Variants in TTN observed in about 807,000 individuals in gnomAD.
TTN encodes titin.
A neutral mutation model predicts 3,223.0 loss-of-function variants in TTN; 1,525 were observed. The observed-to-expected ratio is 0.47, with a 90% CI of 0.45 to 0.49. The LOEUF (loss-of-function observed/expected upper bound fraction) is 0.49, where lower values mean the gene tolerates loss of function less well. TTN is among the 20% of genes least tolerant of loss of function. The probability of loss-of-function intolerance (pLI) is 0.00; values close to 1 mark genes in which losing one functional copy is unlikely to be tolerated. For synonymous variants in TTN, 14,094 were observed against 15,161.0 expected (o/e 0.93, Z 5.17); for missense variants, 40,786 against 43,424.0 (o/e 0.94, Z 5.40).
rs776899398 is a variant in TTN at position 178,602,066 on chromosome 2, A to C, written c.55205T>G (p.Ile18402Ser). ...AGSQIRIPAV[I>S]KGRPTPKSSW... is the part of the protein sequence containing the mutation. Reference sequence around the variant, plus strand: ...TGATTTTGGTGTTGGGCGTCCCTTGATGACAGCAGGAATCCTAATCTGTGA... The same window carrying C: ...TGATTTTGGTGTTGGGCGTCCCTTGCTGACAGCAGGAATCCTAATCTGTGA... The change falls in exon 284 of 363, where the codon ATC becomes AGC. Residue 18402 changes from isoleucine to serine, a missense_variant. Ile to Ser is a moderately radical substitution (Grantham distance 142). Coordinates refer to ENST00000589042, the MANE Select transcript of TTN (RefSeq NM_001267550.2). 50 of 1,612,634 alleles carry C rather than the reference A, an allele frequency of 3.1e-5. No individual in the cohort carries two copies. In the Admixed American group the frequency reaches 5.3e-4, roughly 17 times the overall value.
chr2:178,804,139 G>T (rs1347785907), intron 2 of TTN, among the ~76,000 whole-genome samples: 2 of 152,188 alleles, frequency 1.3e-5, no homozygotes, highest in Non-Finnish European at 2.9e-5. Flanking sequence ...ACCAACTGAA[G>T]TTCAGGTGTC....
Position 178,615,386 on chromosome 2 carries a change from T to C in TTN, c.48559A>G (p.Ile16187Val), listed in dbSNP as rs1312494208. Residue 16187 changes from isoleucine (I) to valine (V), a missense_variant, in exon 259 of 363, where the codon ATC becomes GTC. Coordinates refer to ENST00000589042, the MANE Select transcript of TTN (RefSeq NM_001267550.2). The stretch of plus-strand genomic sequence containing the variant: ...CATCTTTCAACTATATATCCTTTGA[T>C]GCGTGAACCACCATCATTTTTAGGT... The part of the protein sequence containing the change: ...DPPKNDGGSR[I>V]KGYIVERCPR... 1 of 1,612,668 alleles carries C rather than the reference T, an allele frequency of 6.2e-7. No homozygotes were observed. Among genetic ancestry groups the C allele is most frequent in the South Asian group, 1.1e-5 (1 of 91,034 alleles).
intron 101 of TTN, 53 bp downstream of exon 101, chr2:178,706,809 T>C: frequency 1.9e-6 from 3 of 1,597,730 alleles, no homozygotes; most frequent in Non-Finnish European, 2.6e-6. Context: ...AATTAAATCA[T>C]AAGTAAAAGG....
chr2:178,634,627 T>C lies in TTN; in HGVS notation c.42154A>G (p.Ile14052Val). ...ITTAILTVKEIELDFAVPLKD... is the reference protein window; with the variant it reads ...ITTAILTVKEVELDFAVPLKD... ...AGGGGCACAGCAAAGTCAAGTTCGA[T>C]TTCTGAAAATCAGACATTAAGAATG... Residue 14052 changes from isoleucine to valine, a missense_variant and splice_region_variant, in exon 230 of 363, where the codon ATC becomes GTC. Ile to Val is a conservative substitution (Grantham distance 29). Coordinates refer to ENST00000589042, the MANE Select transcript of TTN (RefSeq NM_001267550.2). This position sits in a 1 kb window ranked among gnomAD's most constrained non-coding sequence, Gnocchi z 4.6. 1 of 1,612,916 alleles carries C rather than the reference T, an allele frequency of 6.2e-7. No homozygotes were observed. The highest frequency in any genetic ancestry group is 8.5e-7 in the Non-Finnish European group (1 of 1,179,404).
Position 178,722,464 on chromosome 2 carries a change from T to A in TTN, c.22323A>T (p.Arg7441=). 1 of 1,613,516 alleles carries A rather than the reference T, an allele frequency of 6.2e-7. No homozygotes were observed. The highest frequency in any genetic ancestry group is 1.1e-5 in the South Asian group (1 of 91,058). The change falls in exon 77 of 363, where the codon CGA becomes CGT. Residue 7441 remains arginine (R), a synonymous_variant. Transcript: ENST00000589042. ...TVGLPVTLTC[R]LNGSAPIQVC... is the part of the protein sequence containing the mutation. ...CTTGGATGGGTGCAGAGCCATTTAA[T>A]CGACAAGTGAGTGTAACAGGTAACC...
intron 106 of TTN, 29 bp from the exon 107 acceptor site, chr2:178,702,692 T>G (rs1440681506): frequency 1.3e-6 from 2 of 1,577,408 alleles, no homozygotes; most frequent in Admixed American, 3.5e-5. Flanking sequence ...GGTTCAAAGT[T>G]AGATTATATA....
At chr2:178,583,534 A>AGTT in intron 312 of TTN, 73 bp downstream of exon 312, 1 of 1,391,034 alleles carries the variant, frequency 7.2e-7, no homozygotes, top group South Asian at 1.7e-5. Flanking sequence ...GTGTATATTT[A>AGTT]GTTTTTTATT....
rs774382033 is a variant in TTN at position 178,722,465 on chromosome 2, C to T, written c.22322G>A (p.Arg7441Gln). 5.6e-6 allele frequency: 9 copies of T among 1,613,294 alleles called. No individual in the cohort carries two copies. Among genetic ancestry groups the T allele is most frequent in the African/African-American group, 1.3e-5 (1 of 74,856 alleles). The change falls in exon 77 of 363, where the codon CGA becomes CAA. Residue 7441 changes from arginine (R) to glutamine (Q), a missense_variant. Arg to Gln is a conservative substitution (Grantham distance 43). Coordinates refer to ENST00000589042, the MANE Select transcript of TTN (RefSeq NM_001267550.2). Reference sequence around the variant, plus strand: ...TTGGATGGGTGCAGAGCCATTTAATCGACAAGTGAGTGTAACAGGTAACCC... The same window carrying T: ...TTGGATGGGTGCAGAGCCATTTAATTGACAAGTGAGTGTAACAGGTAACCC... ...TVGLPVTLTC[R>Q]LNGSAPIQVC...
rs1296330425 is a variant in TTN, at chr2:178,535,615, T to C, written c.101000A>G (p.Tyr33667Cys). 6.2e-7 allele frequency: 1 copy of C among 1,613,840 alleles called. No individual in the cohort carries two copies. Among genetic ancestry groups the C allele is most frequent in the South Asian group, 1.1e-5 (1 of 91,088 alleles). Reference protein sequence around the residue: ...NGVERKDAGFYVVCAKNRFGI... With the variant: ...NGVERKDAGFCVVCAKNRFGI... ...AAATCTGTTTTTAGCACAGACCACATAGAAACCAGCATCTTTTCTCTCTAC... is the reference window on the plus strand; with the variant it reads ...AAATCTGTTTTTAGCACAGACCACACAGAAACCAGCATCTTTTCTCTCTAC... The change falls in exon 358 of 363, where the codon TAT (tyrosine) becomes TGT (cysteine). Residue 33667 changes from tyrosine to cysteine, a missense_variant. Coordinates refer to ENST00000589042, the MANE Select transcript of TTN (RefSeq NM_001267550.2).
Position 178,718,526 on chromosome 2 carries a change from A to G in TTN, c.24580T>C (p.Tyr8194His), listed in dbSNP as rs763264570. The G allele has an allele frequency of 6.2e-7, 1 of 1,613,764 alleles. No individual in the cohort carries two copies. Among genetic ancestry groups the G allele is most frequent in the Non-Finnish European group, 8.5e-7 (1 of 1,179,748 alleles). ...TGSPIVLEAT[Y>H]TGTPPISVSW... is the part of the protein sequence containing the mutation. ...ACTGAGATTGGAGGTGTGCCAGTGT[A>G]TGTGGCCTCGAGAACTATGGGGCTT... The change falls in exon 85 of 363, where the codon TAC becomes CAC. Residue 8194 changes from tyrosine to histidine, a missense_variant. Transcript: ENST00000589042.
intron 40 of TTN, among the ~76,000 whole-genome samples, chr2:178,766,890 T>C (rs571347519): frequency 1.3e-5 from 2 of 152,216 alleles, no homozygotes; most frequent in African/African-American, 4.8e-5. Context: ...AAATGTTTGC[T>C]TCTTATTTAC....
At chr2:178,783,442 C>T (rs1275670085) in intron 17 of TTN, among the ~76,000 whole-genome samples, 2 of 152,114 alleles carry the variant, frequency 1.3e-5, no homozygotes, top group African/African-American at 4.8e-5. Context: ...ATGGATTGGT[C>T]TTTATGTCTG....
rs376181650 is a variant in TTN, at chr2:178,717,345, T to C, written c.25389A>G (p.Val8463=). ...EVPPFFDLKP[V]SVDLALGESG... is the part of the protein sequence containing the mutation. Reference sequence around the variant, plus strand: ...TTTCTCCAAGAGCAAGATCTACTGATACAGGCTTTAGATCAAAGAAAGGAG... The same window carrying C: ...TTTCTCCAAGAGCAAGATCTACTGACACAGGCTTTAGATCAAAGAAAGGAG... The change falls in exon 88 of 363, where the codon GTA becomes GTG. Residue 8463 remains valine, a synonymous_variant. Coordinates refer to ENST00000589042, the MANE Select transcript of TTN (RefSeq NM_001267550.2). 7.4e-6 allele frequency: 12 copies of C among 1,612,916 alleles called. No individual in the cohort carries two copies. The South Asian group carries it at 1.2e-4, about 16-fold the overall frequency.
intron 233 of TTN, 63 bp downstream of exon 233, chr2:178,633,124 C>G (rs2060006717): frequency 1.9e-6 from 3 of 1,598,208 alleles, no homozygotes; most frequent in South Asian, 2.2e-5. Flanking sequence ...ATATTTTATG[C>G]CTTTTTTCAC....
At position 178,567,781 on chromosome 2, in the gene TTN, T is replaced by G; in HGVS notation, c.78351A>C (p.Gly26117=). 2.5e-6 allele frequency: 4 copies of G among 1,613,492 alleles called. No individual in the cohort carries two copies. The highest frequency in any genetic ancestry group is 2.2e-5 in the East Asian group (1 of 44,826). Reference sequence around the variant, plus strand: ...CTACAATGTAGCCTGTAATCATACTTCCACCATCATACACAGGTTTGGTCC... The same window carrying G: ...CTACAATGTAGCCTGTAATCATACTGCCACCATCATACACAGGTTTGGTCC... The part of the protein sequence containing the change: ...LQWTKPVYDG[G]SMITGYIVEK... Residue 26117 remains glycine (G), a synonymous_variant, in exon 326 of 363, where the codon GGA becomes GGC. Coordinates refer to ENST00000589042, the MANE Select transcript of TTN (RefSeq NM_001267550.2).
rs2059987336 is a variant in TTN, at chr2:178,632,997, A to T, written c.43134T>A (p.His14378Gln). The T allele has an allele frequency of 6.2e-7, 1 of 1,613,098 alleles. No individual in the cohort carries two copies. Among genetic ancestry groups the T allele is most frequent in the African/African-American group, 1.3e-5 (1 of 74,892 alleles). The change falls in exon 234 of 363, where the codon CAT (histidine) becomes CAA (glutamine). Residue 14378 changes from histidine (H) to glutamine (Q), a missense_variant. Coordinates refer to ENST00000589042, the MANE Select transcript of TTN (RefSeq NM_001267550.2). ...CTCCTGTCATACCCAGCTGACAGTT[A>T]TGAAGGATCAGAATATGCTTCTTTC... ...EDGKKHILIL[H>Q]NCQLGMTGEV...
In TTN at chr2:178,575,809, G is replaced by T. The variant is rs751179969; in HGVS notation, c.70323C>A (p.Asn23441Lys). ...RVLDTPGPVLNLRPTDITKDS... is the reference protein window; with the variant it reads ...RVLDTPGPVLKLRPTDITKDS... ...CCTTTGTGATGTCTGTAGGCCGCAG[G>T]TTGAGGACTGGGCCTGGCGTGTCCA... Residue 23441 changes from asparagine to lysine, a missense_variant, in exon 326 of 363, where the codon AAC becomes AAA. Asn to Lys is a moderately conservative substitution (Grantham distance 94, BLOSUM62 0). Transcript: ENST00000589042. This position sits in a 1 kb window ranked among gnomAD's most constrained non-coding sequence, Gnocchi z 4.0. The T allele has an allele frequency of 6.2e-7, 1 of 1,613,158 alleles. No individual in the cohort carries two copies. The highest frequency in any genetic ancestry group is 8.5e-7 in the Non-Finnish European group (1 of 1,179,308).
At position 178,572,532 on chromosome 2, in the gene TTN, T is replaced by G. The variant is rs767625831; in HGVS notation, c.73600A>C (p.Thr24534Pro). 1.2e-6 allele frequency: 2 copies of G among 1,613,348 alleles called. No individual in the cohort carries two copies. The highest frequency in any genetic ancestry group is 1.7e-6 in the Non-Finnish European group (2 of 1,179,610). The change falls in exon 326 of 363, where the codon ACA (threonine) becomes CCA (proline). Residue 24534 changes from threonine to proline, a missense_variant. By Grantham distance (38) the Thr-to-Pro change is conservative (BLOSUM62 -1). Transcript: ENST00000589042. Reference protein sequence around the residue: ...QDLKVKEVTKTSVTLTWDPPL... With the variant: ...QDLKVKEVTKPSVTLTWDPPL... Reference sequence around the variant, plus strand: ...GGGTCCCATGTGAGTGTGACAGATGTCTTAGTGACCTCTTTTACCTTCAGA... The same window carrying G: ...GGGTCCCATGTGAGTGTGACAGATGGCTTAGTGACCTCTTTTACCTTCAGA...
rs374712231 is a variant in TTN at position 178,573,644 on chromosome 2, C to A, written c.72488G>T (p.Arg24163Leu). The A allele has an allele frequency of 1.3e-6, 2 of 1,499,946 alleles. No homozygotes were observed. Among genetic ancestry groups the A allele is most frequent in the Non-Finnish European group, 1.8e-6 (2 of 1,126,628 alleles). 92.9% of individuals were successfully genotyped at this position (1,499,946 alleles called of 1,614,324 possible). A position where few individuals can be genotyped will look rare whatever the true frequency, so the allele number is the denominator to read the frequency against. Residue 24163 changes from arginine to leucine, a missense_variant, in exon 326 of 363, where the codon CGT becomes CTT. Physicochemically the swap from Arg to Leu is moderately radical, Grantham distance 102. Transcript: ENST00000589042. Reference sequence around the variant, plus strand: ...TGTCCATGCCAATCTGCTGGTTTCACGTTTCTGTACTATGTAATGATCAAT... The same window carrying A: ...TGTCCATGCCAATCTGCTGGTTTCAAGTTTCTGTACTATGTAATGATCAAT... Reference protein sequence around the residue: ...AKIDHYIVQKRETSRLAWTNV... With the variant: ...AKIDHYIVQKLETSRLAWTNV...
Sources: gnomAD v4.1 joint callset for allele counts (sites outside exome capture counted in the v4.1 genomes callset) on GRCh38, gnomAD v4.1.1 for gene constraint, Gnocchi (gnomAD v3.1) non-coding constraint, MANE v1.5 for transcripts, NCBI Gene and HGNC (gene_info 2026-07-23, HGNC 2026-07-21) for gene names.